Variants in PDE1A observed in about 807,000 individuals in gnomAD.
PDE1A encodes dual specificity calcium/calmodulin-dependent 3',5'-cyclic nucleotide phosphodiesterase 1A.
PDE1A carries 35 observed loss-of-function variants against 61.7 expected under a neutral mutation model. The observed-to-expected ratio is 0.57, with a 90% CI of 0.43 to 0.75. The LOEUF (loss-of-function observed/expected upper bound fraction) is 0.75. Ranked by LOEUF, PDE1A falls within the 30% of genes least tolerant of loss-of-function variation. The probability of loss-of-function intolerance (pLI) is 0.00; values close to 1 mark genes in which losing one functional copy is unlikely to be tolerated. For synonymous variants in PDE1A, 232 were observed against 213.2 expected (o/e 1.09, Z -0.77); for missense variants, 597 against 630.6 (o/e 0.95, Z 0.57).
rs1426380541 is a variant in PDE1A at position 182,198,268 on chromosome 2, T to C, written c.1125+3171A>G. Among the ~76,000 whole-genome samples the C allele has an allele frequency of 3.3e-5, 5 of 151,956 alleles. No homozygotes were observed. In the East Asian group the frequency reaches 7.7e-4, roughly 23 times the overall value. ...CATTTATTAATTCTAGTAAGTAGCC[T>C]TTTGTAGATCTCTTGAGGTTTTCTA... On this transcript the variant is annotated intron_variant, in intron 10 of 13. Coordinates refer to ENST00000351439, the Ensembl canonical transcript of PDE1A.
chr2:182,685,152 A>G, the PDE1A span, among the ~76,000 whole-genome samples: 47 of 151,742 alleles, frequency 3.1e-4, no homozygotes, highest in African/African-American at 1.1e-3. Flanking sequence ...ACAGATAGAC[A>G]TATCTCCACA....
chr2:182,505,465 G>A (rs542760486), intron 2 of PDE1A, among the ~76,000 whole-genome samples: 70 of 152,270 alleles, frequency 4.6e-4, no homozygotes, highest in African/African-American at 1.7e-3. Flanking sequence ...GCTATCATTC[G>A]TAGATGCTTA....
the PDE1A span, among the ~76,000 whole-genome samples, chr2:182,684,411 A>G: frequency 1.3e-5 from 2 of 152,218 alleles, no homozygotes; most frequent in African/African-American, 4.8e-5. Flanking sequence ...AACAATTCTC[A>G]CCAAGAAAGA....
the PDE1A span, among the ~76,000 whole-genome samples, chr2:182,536,234 G>T: frequency 3.9e-5 from 6 of 152,158 alleles, no homozygotes; most frequent in Non-Finnish European, 8.8e-5. Flanking sequence ...TGTTATACAG[G>T]AAGCATGTAC....
At chr2:182,606,469 T>C in the PDE1A span, among the ~76,000 whole-genome samples, 74 of 152,330 alleles carry the variant, frequency 4.9e-4, no homozygotes, top group African/African-American at 1.6e-3. Flanking sequence ...TGAGCCACCG[T>C]GCCCAGCCTC....
At chr2:182,697,103 T>C in the PDE1A span, among the ~76,000 whole-genome samples, 1 of 152,216 alleles carries the variant, frequency 6.6e-6, no homozygotes, top group Non-Finnish European at 1.5e-5. Flanking sequence ...TATACCAAGA[T>C]GGCTGAAATT....
chr2:182,521,594 T>C (rs1457365812), intron 2 of PDE1A, among the ~76,000 whole-genome samples: 1 of 152,082 alleles, frequency 6.6e-6, no homozygotes, highest in Non-Finnish European at 1.5e-5. Flanking sequence ...TGAATAGCAT[T>C]GCAATTAACG....
chr2:182,630,530 G>C, the PDE1A span, among the ~76,000 whole-genome samples: 3 of 145,282 alleles, frequency 2.1e-5, no homozygotes, highest in African/African-American at 2.5e-5. Context: ...GGTAAGGCAA[G>C]CTCCCTTTCT....
chr2:182,238,050 C>T (rs1170511666), intron 3 of PDE1A, among the ~76,000 whole-genome samples: 2 of 151,864 alleles, frequency 1.3e-5, no homozygotes, highest in East Asian at 1.9e-4. Flanking sequence ...GGGTGGATCA[C>T]GAGGTCAGGA....
At chr2:182,487,534 C>A (rs1688094701) in intron 2 of PDE1A, among the ~76,000 whole-genome samples, 1 of 152,066 alleles carries the variant, frequency 6.6e-6, no homozygotes, top group Non-Finnish European at 1.5e-5. Context: ...CAAAATATGA[C>A]ATCTATAAAA....
chr2:182,190,280 A>G (rs1027628805), intron 10 of PDE1A, among the ~76,000 whole-genome samples: 15 of 152,236 alleles, frequency 9.9e-5, no homozygotes, highest in Admixed American at 2.6e-4. Flanking sequence ...AAAACAAGGA[A>G]TAAGAATTTC....
At chr2:182,716,020 C>G in the PDE1A span, 9 of 152,542 alleles carry the variant, frequency 5.9e-5, no homozygotes, top group African/African-American at 1.9e-4. Context: ...CCACCCTCCC[C>G]GCCCGCGGCA....
At chr2:182,162,783 T>C (rs1691451696) in intron 13 of PDE1A, among the ~76,000 whole-genome samples, 2 of 152,114 alleles carry the variant, frequency 1.3e-5, no homozygotes, top group South Asian at 4.1e-4. Flanking sequence ...GGGAGTCAGG[T>C]GATTCATGGA....
At chr2:182,586,847 C>G in the PDE1A span, among the ~76,000 whole-genome samples, 12 of 152,046 alleles carry the variant, frequency 7.9e-5, no homozygotes, top group African/African-American at 2.7e-4. Flanking sequence ...TACTGGACTA[C>G]AATAGTAAGA....
chr2:182,246,231 G>C (rs781272538), intron 2 of PDE1A, among the ~76,000 whole-genome samples: 20 of 152,226 alleles, frequency 1.3e-4, no homozygotes, highest in Non-Finnish European at 2.4e-4. Context: ...TTGCCTCAGG[G>C]CCTGTGTACT....
At chr2:182,517,127 C>G (rs764654390) in intron 2 of PDE1A, among the ~76,000 whole-genome samples, 21 of 152,148 alleles carry the variant, frequency 1.4e-4, no homozygotes, top group Non-Finnish European at 2.4e-4. Flanking sequence ...AGACTGTCAT[C>G]TTTTCTGTAT....
chr2:182,599,718 T>A, the PDE1A span, among the ~76,000 whole-genome samples: 2 of 152,190 alleles, frequency 1.3e-5, no homozygotes, highest in Non-Finnish European at 2.9e-5. Flanking sequence ...TTAAAAAAAA[T>A]TATTTGTTGC....
intron 3 of PDE1A, among the ~76,000 whole-genome samples, chr2:182,237,481 G>T (rs944493480): frequency 2.0e-5 from 3 of 151,966 alleles, no homozygotes; most frequent in African/African-American, 7.3e-5. Context: ...CCGTCTCAAA[G>T]AAAAACAAAA....
chr2:182,148,877 T>C (rs997585183), intron 13 of PDE1A, among the ~76,000 whole-genome samples: 5 of 152,144 alleles, frequency 3.3e-5, no homozygotes, highest in Non-Finnish European at 7.4e-5. Context: ...CATTTCCCAA[T>C]AGCAGAGAAG....
Sources: allele counts gnomAD v4.1 joint callset (sites outside exome capture counted in the v4.1 genomes callset), GRCh38; gene constraint gnomAD v4.1.1; transcripts MANE v1.5; gene names NCBI Gene and HGNC (gene_info 2026-07-23, HGNC 2026-07-21).